The following NRG3 variants were observed in gnomAD, a reference collection of about 807,000 sequenced individuals.
The protein encoded by NRG3 is neuregulin 3.
In NRG3, 31 loss-of-function variants were observed where a neutral mutation model predicts 66.9. The observed-to-expected ratio is 0.46, with a 90% confidence interval of 0.35 to 0.63. The LOEUF (loss-of-function observed/expected upper bound fraction) is 0.63. Ranked by LOEUF, NRG3 falls within the 20% of genes least tolerant of loss-of-function variation. The pLI, the probability that NRG3 is intolerant of heterozygous loss-of-function variation, is 0.00. For missense variants in NRG3, 910 were observed against 878.9 expected (o/e 1.04, Z -0.45); for synonymous variants, 393 against 359.4 (o/e 1.09, Z -1.06).
At chr10:82,491,317 A>ATATATATATATATATATATATATATATAT (rs1564985027) in intron 2 of NRG3, among the ~76,000 whole-genome samples, 12 of 32,984 alleles carry the variant, frequency 3.6e-4, no homozygotes, top group African/African-American at 7.0e-4. Context: ...TATATATATA[A>ATATATATATATATATATATATATATATAT]AATAAAGATG....
At chr10:82,883,260 C>G (rs978567138) in intron 4 of NRG3, among the ~76,000 whole-genome samples, 1 of 96,664 alleles carries the variant, frequency 1.0e-5, no homozygotes, top group African/African-American at 5.1e-5. Context: ...AACAATTGCC[C>G]AATCAAATTC....
chr10:82,844,078 A>T (rs551898384), intron 3 of NRG3, among the ~76,000 whole-genome samples: 34 of 152,318 alleles, frequency 2.2e-4, no homozygotes, highest in Admixed American at 3.9e-4. Flanking sequence ...TGAATGCCAT[A>T]AATAGCTGGG....
intron 1 of NRG3, among the ~76,000 whole-genome samples, chr10:82,117,167 C>G (rs2067778442): frequency 6.6e-6 from 1 of 152,126 alleles, no homozygotes; most frequent in South Asian, 2.1e-4. Context: ...TTCCAACTCC[C>G]CCAGGCGGAA....
At chr10:82,512,510 T>C (rs1297066632) in intron 2 of NRG3, among the ~76,000 whole-genome samples, 1 of 152,090 alleles carries the variant, frequency 6.6e-6, no homozygotes, top group East Asian at 1.9e-4. Flanking sequence ...GGTCTTGAAC[T>C]CCTGGCCTTG....
chr10:82,451,486 C>T (rs2091015345), intron 2 of NRG3, among the ~76,000 whole-genome samples: 1 of 152,022 alleles, frequency 6.6e-6, no homozygotes, highest in Non-Finnish European at 1.5e-5. Flanking sequence ...CTGATAAATG[C>T]AAGAAATTTA....
intron 1 of NRG3, among the ~76,000 whole-genome samples, chr10:82,141,885 T>G (rs2132649752): frequency 6.6e-6 from 1 of 152,310 alleles, no homozygotes; most frequent in Non-Finnish European, 1.5e-5. Flanking sequence ...TCACCTGTCC[T>G]TTACCTCCTC....
chr10:82,276,338 C>T (rs2078847013), intron 1 of NRG3, among the ~76,000 whole-genome samples: 1 of 151,920 alleles, frequency 6.6e-6, no homozygotes, highest in African/African-American at 2.4e-5. Flanking sequence ...TTTGAATAAA[C>T]TGGCTCTAAA....
At chr10:82,723,117 C>T (rs1462551483) in intron 2 of NRG3, among the ~76,000 whole-genome samples, 1 of 152,118 alleles carries the variant, frequency 6.6e-6, no homozygotes, top group African/African-American at 2.4e-5. Context: ...AGGTAATATA[C>T]ATCATGGAAT....
At chr10:82,244,167 T>C (rs2134022737) in intron 1 of NRG3, among the ~76,000 whole-genome samples, 1 of 152,304 alleles carries the variant, frequency 6.6e-6, no homozygotes, top group South Asian at 2.1e-4. Flanking sequence ...GTCCTGTAAC[T>C]CTTTCCTATG....
chr10:81,951,927 G>A (rs923881481), intron 1 of NRG3, among the ~76,000 whole-genome samples: 5 of 152,084 alleles, frequency 3.3e-5, no homozygotes, highest in African/African-American at 1.2e-4. Context: ...ATACACCATG[G>A]AATACTATGC....
At chr10:82,298,881 G>A (rs2080229845) in intron 1 of NRG3, among the ~76,000 whole-genome samples, 2 of 152,162 alleles carry the variant, frequency 1.3e-5, no homozygotes, top group African/African-American at 2.4e-5. Flanking sequence ...CTTCTCATAC[G>A]GAGGTGTTCA....
chr10:82,193,165 C>T (rs998830920), intron 1 of NRG3, among the ~76,000 whole-genome samples: 7 of 152,264 alleles, frequency 4.6e-5, no homozygotes, highest in African/African-American at 1.2e-4. Context: ...ACTTTTTAGA[C>T]GGAGTCTCAC....
intron 2 of NRG3, among the ~76,000 whole-genome samples, chr10:82,544,672 C>T (rs1044981382): frequency 6.6e-6 from 1 of 152,128 alleles, no homozygotes; most frequent in Non-Finnish European, 1.5e-5. Flanking sequence ...CCATTGCCTT[C>T]CTAGATGAGT....
chr10:82,378,972 C>A (rs577797688), intron 2 of NRG3, among the ~76,000 whole-genome samples: 1 of 152,228 alleles, frequency 6.6e-6, no homozygotes, highest in South Asian at 2.1e-4. Flanking sequence ...ACTAGAAGAT[C>A]TGAGTAGTAT....
intron 1 of NRG3, among the ~76,000 whole-genome samples, chr10:81,977,094 A>G (rs541822854): frequency 1.3e-5 from 2 of 152,176 alleles, no homozygotes; most frequent in African/African-American, 4.8e-5. Context: ...AATTTTTGAA[A>G]TTTCTTTGTT....
At chr10:82,286,152 G>T (rs894742358) in intron 1 of NRG3, among the ~76,000 whole-genome samples, 2 of 152,132 alleles carry the variant, frequency 1.3e-5, no homozygotes, top group Non-Finnish European at 2.9e-5. Context: ...GGTAGGAAGG[G>T]TAAGAGTCTA....
intron 2 of NRG3, among the ~76,000 whole-genome samples, chr10:82,558,060 T>G (rs1468154208): frequency 1.3e-5 from 2 of 152,198 alleles, no homozygotes; most frequent in Non-Finnish European, 2.9e-5. Context: ...AATAGCCATT[T>G]GGGCTAGGAT....
intron 2 of NRG3, among the ~76,000 whole-genome samples, chr10:82,484,567 A>C (rs2132178530): frequency 6.6e-6 from 1 of 152,326 alleles, no homozygotes; most frequent in South Asian, 2.1e-4. Flanking sequence ...CCCTTACATA[A>C]GCTATCTTTG....
intron 2 of NRG3, among the ~76,000 whole-genome samples, chr10:82,423,790 C>T (rs915751038): frequency 6.6e-6 from 1 of 151,940 alleles, no homozygotes; most frequent in Non-Finnish European, 1.5e-5. Flanking sequence ...AACCTCATAC[C>T]ATTAGCTGTT....
Sources: allele counts gnomAD v4.1 joint callset (sites outside exome capture counted in the v4.1 genomes callset), GRCh38; gene constraint gnomAD v4.1.1; transcripts MANE v1.5; gene names NCBI Gene and HGNC (gene_info 2026-07-23, HGNC 2026-07-21).